Variants in SULT1B1 observed in about 807,000 individuals in gnomAD.
SULT1B1 encodes sulfotransferase family 1B member 1.
SULT1B1 carries 28 observed loss-of-function variants against 34.6 expected under a neutral mutation model. The observed-to-expected ratio is 0.81, with a 90% CI of 0.60 to 1.11. The LOEUF (loss-of-function observed/expected upper bound fraction) is 1.11, where lower values mean the gene tolerates loss of function less well. SULT1B1 is among the 50% of genes least tolerant of loss of function. The pLI is 0.00. For missense variants in SULT1B1, 374 were observed against 352.2 expected (o/e 1.06, Z -0.50); for synonymous variants, 147 against 110.2 (o/e 1.33, Z -2.09).
chr4:69,728,635 G>GGGAAGGAAGGAAGGAA (rs55722168), intron 7 of SULT1B1, among the ~76,000 whole-genome samples: 11 of 151,466 alleles, frequency 7.3e-5, no homozygotes, highest in African/African-American at 2.7e-4. Flanking sequence ...GGATACATCA[G>GGGAAGGAAGGAAGGAA]GGAAGGAAGG....
rs572133536 is a variant in SULT1B1 at position 69,750,352 on chromosome 4, G to A, written c.278-534C>T. Among the ~76,000 whole-genome samples, 4 of 152,102 alleles carry A rather than the reference G, an allele frequency of 2.6e-5. No individual in the cohort carries two copies. In the South Asian group the frequency reaches 8.3e-4, roughly 32 times the overall value. On this transcript the variant is annotated intron_variant, in intron 3 of 7. Coordinates refer to ENST00000310613, the MANE Select transcript of SULT1B1 (RefSeq NM_014465.4). ...ATGTGTCATATGTCTCTCCATATAT[G>A]TATAGACAGTAAAAATGTGTAATCT...
At chr4:69,736,905 G>C (rs1718340441) in intron 4 of SULT1B1, among the ~76,000 whole-genome samples, 1 of 151,988 alleles carries the variant, frequency 6.6e-6, no homozygotes, top group Admixed American at 6.5e-5. Flanking sequence ...GTTACACAAT[G>C]ATAGGTGGAA....
intron 3 of SULT1B1, among the ~76,000 whole-genome samples, chr4:69,753,684 T>C (rs904501155): frequency 1.3e-5 from 2 of 152,248 alleles, no homozygotes; most frequent in Middle Eastern, 3.2e-3. Context: ...TTGGAGTAGA[T>C]ACCCCTTGTT....
At chr4:69,760,146 T>C (rs976547571) in intron 1 of SULT1B1, 1 of 685,536 alleles carries the variant, frequency 1.5e-6, no homozygotes, top group African/African-American at 2.0e-5. Flanking sequence ...TAGGACTGGA[T>C]GAAGGATGGG....
At chr4:69,757,897 A>G (rs12646552) in intron 1 of SULT1B1, among the ~76,000 whole-genome samples, 93,272 of 152,032 alleles carry the variant, frequency 0.61, 28,776 homozygotes, top group East Asian at 0.72. Flanking sequence ...ATTAATGGAG[A>G]AGCAGTCTCA....
intron 7 of SULT1B1, 126 bp downstream of exon 7, chr4:69,730,375 T>A: frequency 1.4e-6 from 1 of 704,030 alleles, no homozygotes; most frequent in Admixed American, 3.2e-5. Context: ...CAACTTTTGG[T>A]GGTAGGTATT....
At chr4:69,755,464 T>C (rs912878267) in intron 1 of SULT1B1, among the ~76,000 whole-genome samples, 1 of 152,188 alleles carries the variant, frequency 6.6e-6, no homozygotes, top group African/African-American at 2.4e-5. Context: ...CAAAGGTCTC[T>C]AGTGGAAGTT....
In SULT1B1 at chr4:69,754,655, G is replaced by C; in HGVS notation, c.277+15C>G. ...TAATATTACAAAATAATAATTCCAA[G>C]TGGGTTAAATTTACCTGATGTTCTT... On this transcript the variant is annotated intron_variant, in intron 3 of 7. Transcript: ENST00000310613. 1 of 1,609,916 alleles carries C rather than the reference G, an allele frequency of 6.2e-7. No homozygotes were observed. The highest frequency in any genetic ancestry group is 8.5e-7 in the Non-Finnish European group (1 of 1,178,012).
At chr4:69,757,581 C>T (rs969684125) in intron 1 of SULT1B1, among the ~76,000 whole-genome samples, 6 of 150,764 alleles carry the variant, frequency 4.0e-5, no homozygotes, top group Non-Finnish European at 8.9e-5. Flanking sequence ...TCACTACCCC[C>T]ATCTACACAC....
At chr4:69,734,042 T>C in intron 5 of SULT1B1, 96 bp downstream of exon 5, 1 of 1,064,086 alleles carries the variant, frequency 9.4e-7, no homozygotes, top group South Asian at 2.3e-5. Flanking sequence ...TTTCACTAGA[T>C]TGGAAAAATA....
At position 69,722,047 on chromosome 4, in the gene SULT1B1, G is replaced by A. The variant is rs747706447; in HGVS notation, c.*5041C>T. 1.3e-5 allele frequency: 2 copies of A among 152,124 alleles called. No individual in the cohort carries two copies. Among genetic ancestry groups the A allele is most frequent in the African/African-American group, 2.4e-5 (1 of 41,442 alleles). 9.4% of individuals were successfully genotyped at this position (152,124 alleles called of 1,614,324 possible). On this transcript the variant is annotated 3_prime_UTR_variant, in exon 8 of 8. Transcript: ENST00000310613. ...GTATTTGAATCATAGAAGTGCCACT[G>A]TGTGCTGTTAAACATAAACTGAGGA...
chr4:69,749,987 A>C (rs990087748), intron 3 of SULT1B1, among the ~76,000 whole-genome samples, 169 bp from the exon 4 acceptor site: 1 of 152,164 alleles, frequency 6.6e-6, no homozygotes, highest in Non-Finnish European at 1.5e-5. Context: ...ATTGTGTAAC[A>C]TTCAAGGATA....
intron 3 of SULT1B1, among the ~76,000 whole-genome samples, chr4:69,750,993 G>T (rs1307161534): frequency 6.6e-6 from 1 of 152,164 alleles, no homozygotes; most frequent in South Asian, 2.1e-4. Flanking sequence ...TTTTTAGCAA[G>T]AATATTTCCC....
intron 7 of SULT1B1, among the ~76,000 whole-genome samples, chr4:69,727,679 CAAG>C: frequency 6.6e-6 from 1 of 152,094 alleles, no homozygotes; most frequent in East Asian, 1.9e-4. Context: ...AATTTATAAA[CAAG>C]GATGCTATGA....
At chr4:69,757,148 G>A (rs1192679711) in intron 1 of SULT1B1, among the ~76,000 whole-genome samples, 1 of 152,002 alleles carries the variant, frequency 6.6e-6, no homozygotes, top group Non-Finnish European at 1.5e-5. Context: ...TTTTAATAAT[G>A]TTTTTTCATT....
intron 4 of SULT1B1, among the ~76,000 whole-genome samples, chr4:69,736,786 TA>T (rs1718336212): frequency 6.6e-6 from 1 of 151,968 alleles, no homozygotes; most frequent in Non-Finnish European, 1.5e-5. Context: ...GGTATATCAA[TA>T]GAATTTACTC....
intron 6 of SULT1B1, among the ~76,000 whole-genome samples, chr4:69,730,979 A>G (rs904798451): frequency 2.6e-5 from 4 of 152,208 alleles, no homozygotes; most frequent in Admixed American, 6.5e-5. Context: ...GAAGCCCAAA[A>G]TTAAAGATAG....
intron 4 of SULT1B1, among the ~76,000 whole-genome samples, chr4:69,743,576 A>G (rs1476391465): frequency 6.6e-6 from 1 of 152,090 alleles, no homozygotes; most frequent in Non-Finnish European, 1.5e-5. Context: ...GAGCCTGTCT[A>G]CCACCTACCA....
At position 69,722,296 on chromosome 4, in the gene SULT1B1, T is replaced by C. The variant is rs1578039799; in HGVS notation, c.*4792A>G. The C allele has an allele frequency of 6.6e-6, 1 of 152,170 alleles. No individual in the cohort carries two copies. Among genetic ancestry groups the C allele is most frequent in the African/African-American group, 2.4e-5 (1 of 41,448 alleles). 9.4% of individuals were successfully genotyped at this position (152,170 alleles called of 1,614,324 possible). On this transcript the variant is annotated 3_prime_UTR_variant, in exon 8 of 8. Transcript: ENST00000310613. The stretch of plus-strand genomic sequence containing the variant: ...ACTAGAAAATGTGGAAATTATTTTA[T>C]CTTGCTAGTGAAGAAAGTGTAGCTA...
Sources: gnomAD v4.1 joint callset for allele counts (sites outside exome capture counted in the v4.1 genomes callset) on GRCh38, gnomAD v4.1.1 for gene constraint, MANE v1.5 for transcripts, NCBI Gene and HGNC (gene_info 2026-07-23, HGNC 2026-07-21) for gene names.